ACMSD: variants seen among roughly 807,000 people sequenced by gnomAD.
The protein encoded by ACMSD is 2-amino-3-carboxymuconate-6-semialdehyde decarboxylase.
In ACMSD, 37 loss-of-function variants were observed where a neutral mutation model predicts 45.9. The ratio of observed to expected loss-of-function variants is 0.81; its 90% CI spans 0.62 to 1.06. The LOEUF is 1.06. Among genes scored for constraint, ACMSD ranks in the 50% least tolerant of loss-of-function variants. The pLI, the probability that ACMSD is intolerant of heterozygous loss-of-function variation, is 0.00. For synonymous variants in ACMSD, 138 were observed against 148.8 expected (o/e 0.93, Z 0.53); for missense variants, 434 against 420.9 (o/e 1.03, Z -0.27).
At chr2:134,857,113 C>A (rs566263021) in intron 2 of ACMSD, among the ~76,000 whole-genome samples, 213 of 152,200 alleles carry the variant, frequency 1.4e-3, no homozygotes, top group South Asian at 1.9e-3. Context: ...TGGTTAGATT[C>A]ATTCCTAAGT....
At chr2:134,859,153 A>G in intron 2 of ACMSD, 108 bp from the exon 3 acceptor site, 1 of 903,394 alleles carries the variant, frequency 1.1e-6, no homozygotes, top group Admixed American at 2.5e-5. Flanking sequence ...AGGATTAAGT[A>G]AAAATCTTTT....
At chr2:134,885,038 AT>A (rs1021620985) in intron 8 of ACMSD, among the ~76,000 whole-genome samples, 1 of 150,544 alleles carries the variant, frequency 6.6e-6, no homozygotes, top group African/African-American at 2.4e-5. Flanking sequence ...TCTACGGAAA[AT>A]TCAAAAATTA....
At position 134,872,520 on chromosome 2, in the gene ACMSD, G is replaced by T; in HGVS notation, c.728G>T (p.Arg243Leu). ...VGRISHGFSM[R>L]PDLCAQDNPM... ...AGAATCTCCCATGGATTCAGCATGC[G>T]CCCAGATCTGTGTGCCCAGGACAAC... The change falls in exon 8 of 10, where the codon CGC becomes CTC. Residue 243 changes from arginine to leucine, a missense_variant. Physicochemically the swap from Arg to Leu is moderately radical, Grantham distance 102. Coordinates refer to ENST00000356140, the MANE Select transcript of ACMSD (RefSeq NM_138326.3). 1 of 1,614,058 alleles carries T rather than the reference G, an allele frequency of 6.2e-7. No homozygotes were observed.
At chr2:134,885,370 TA>T (rs1196963320) in intron 8 of ACMSD, among the ~76,000 whole-genome samples, 2 of 103,684 alleles carry the variant, frequency 1.9e-5, no homozygotes, top group East Asian at 2.7e-4. Context: ...ACATATATAT[TA>T]TATATAATAT....
At chr2:134,895,597 A>C (rs988944346) in intron 8 of ACMSD, among the ~76,000 whole-genome samples, 23 of 151,642 alleles carry the variant, frequency 1.5e-4, no homozygotes, top group Admixed American at 4.6e-4. Flanking sequence ...GCAGTGGCTC[A>C]CACCTGTAAT....
rs756278198 is a variant in ACMSD at position 134,901,821 on chromosome 2, C to T, written c.972C>T (p.Ala324=). ...ETKNKLKAGN[A]LAFLGLERKQ... ...AGAATAAACTCAAAGCCGGCAATGC[C>T]CTGGCATTTTTGGGTCTTGAGAGAA... Residue 324 remains alanine (A), a synonymous_variant, in exon 10 of 10, where the codon GCC becomes GCT. Transcript: ENST00000356140. The T allele has an allele frequency of 6.3e-7, 1 of 1,598,744 alleles. No homozygotes were observed. Among genetic ancestry groups the T allele is most frequent in the South Asian group, 1.1e-5 (1 of 88,410 alleles).
chr2:134,842,727 T>G (rs1686862945), intron 1 of ACMSD, among the ~76,000 whole-genome samples: 1 of 152,188 alleles, frequency 6.6e-6, no homozygotes, highest in Non-Finnish European at 1.5e-5. Flanking sequence ...TCTCAGCTAA[T>G]TCCCCTGAAA....
At chr2:134,885,697 A>T (rs1292573579) in intron 8 of ACMSD, among the ~76,000 whole-genome samples, 1 of 151,944 alleles carries the variant, frequency 6.6e-6, no homozygotes, top group Non-Finnish European at 1.5e-5. Context: ...AAATTATTAA[A>T]CTAGATTTTT....
At chr2:134,883,474 G>A (rs1411509278) in intron 8 of ACMSD, among the ~76,000 whole-genome samples, 1 of 152,144 alleles carries the variant, frequency 6.6e-6, no homozygotes, top group East Asian at 1.9e-4. Flanking sequence ...TTGCAGTTAT[G>A]AAATAACAGG....
At chr2:134,843,350 A>C (rs1573611707) in intron 1 of ACMSD, among the ~76,000 whole-genome samples, 2 of 152,290 alleles carry the variant, frequency 1.3e-5, no homozygotes, top group Admixed American at 1.3e-4. Context: ...ATAGATTTCT[A>C]AAGGTAATAT....
chr2:134,885,757 T>C (rs1474209907), intron 8 of ACMSD, among the ~76,000 whole-genome samples: 1 of 152,168 alleles, frequency 6.6e-6, no homozygotes, highest in East Asian at 1.9e-4. Flanking sequence ...CTTTGCCTTA[T>C]TGGTTAAAGG....
chr2:134,899,244 T>C (rs1406421398), intron 9 of ACMSD, among the ~76,000 whole-genome samples: 1 of 152,150 alleles, frequency 6.6e-6, no homozygotes, highest in Non-Finnish European at 1.5e-5. Flanking sequence ...CTATTAAAGA[T>C]ATTGTTCATC....
chr2:134,887,235 C>T (rs1371153798), intron 8 of ACMSD, among the ~76,000 whole-genome samples: 1 of 152,086 alleles, frequency 6.6e-6, no homozygotes, highest in Admixed American at 6.5e-5. Context: ...ATACAAAGGA[C>T]TAGAAGAGCC....
chr2:134,864,861 GTCT>G (rs748394339), intron 5 of ACMSD, among the ~76,000 whole-genome samples: 11 of 152,100 alleles, frequency 7.2e-5, no homozygotes, highest in East Asian at 5.8e-4. Flanking sequence ...ATCTCCATCA[GTCT>G]TCTTCTTCCT....
intron 8 of ACMSD, among the ~76,000 whole-genome samples, chr2:134,888,576 GT>G (rs1689592882): frequency 6.6e-6 from 1 of 152,134 alleles, no homozygotes; most frequent in South Asian, 2.1e-4. Context: ...AGTGTTAAAT[GT>G]CCATCCACAG....
At chr2:134,878,466 A>G (rs1328922276) in intron 8 of ACMSD, among the ~76,000 whole-genome samples, 1 of 152,186 alleles carries the variant, frequency 6.6e-6, no homozygotes, top group Non-Finnish European at 1.5e-5. Flanking sequence ...AGCTGGGATC[A>G]CAGATGCATG....
intron 1 of ACMSD, among the ~76,000 whole-genome samples, chr2:134,843,266 G>C (rs1686889365): frequency 6.6e-6 from 1 of 152,156 alleles, no homozygotes; most frequent in Non-Finnish European, 1.5e-5. Flanking sequence ...GATGCAGAGA[G>C]GAGAAACTGA....
intron 8 of ACMSD, among the ~76,000 whole-genome samples, chr2:134,894,944 A>G (rs904462314): frequency 6.6e-6 from 1 of 152,208 alleles, no homozygotes; most frequent in African/African-American, 2.4e-5. Context: ...GCAATGAATA[A>G]TCCATAAATG....
intron 1 of ACMSD, among the ~76,000 whole-genome samples, chr2:134,843,408 A>G (rs765325221): frequency 8.5e-5 from 13 of 152,216 alleles, no homozygotes; most frequent in Non-Finnish European, 1.5e-4. Context: ...CCTGGGTGGA[A>G]TAAGACTGGT....
Sources: allele counts gnomAD v4.1 joint callset (sites outside exome capture counted in the v4.1 genomes callset), GRCh38; gene constraint gnomAD v4.1.1; transcripts MANE v1.5; gene names NCBI Gene and HGNC (gene_info 2026-07-23, HGNC 2026-07-21).